Variants in RUNX2 observed in about 807,000 individuals in gnomAD.
The protein encoded by RUNX2 is runt-related transcription factor 2.
In RUNX2, 10 loss-of-function variants were observed where a neutral mutation model predicts 51.7. The ratio of observed to expected loss-of-function variants is 0.19; its 90% CI spans 0.12 to 0.33. The LOEUF is 0.33. Ranked by LOEUF, RUNX2 falls within the 10% of genes least tolerant of loss-of-function variation. RUNX2 has a pLI of 1.00. For missense variants in RUNX2, 562 were observed against 691.3 expected (o/e 0.81, Z 2.10); for synonymous variants, 276 against 273.6 (o/e 1.01, Z -0.09).
At chr6:45,408,128 A>G (rs1303831367) in intron 2 of RUNX2, among the ~76,000 whole-genome samples, 2 of 145,840 alleles carry the variant, frequency 1.4e-5, no homozygotes, top group Non-Finnish European at 3.1e-5. Context: ...GCCTTGATTA[A>G]TGGAGGCTCT....
At chr6:45,422,986 G>A (rs1044388102) in intron 3 of RUNX2, 29 bp downstream of exon 3, 4 of 1,600,152 alleles carry the variant, frequency 2.5e-6, no homozygotes, top group African/African-American at 1.3e-5. Flanking sequence ...CCCCGCCCCC[G>A]GCCGGGAGCG....
chr6:45,407,660 A>ATT (rs57431559), intron 2 of RUNX2, among the ~76,000 whole-genome samples: 42 of 147,372 alleles, frequency 2.8e-4, no homozygotes, highest in African/African-American at 9.7e-4. Context: ...AGCCCAGCTA[A>ATT]TTTTTTTTTT....
chr6:45,480,989 G>A (rs1294224261), intron 5 of RUNX2, among the ~76,000 whole-genome samples: 1 of 152,184 alleles, frequency 6.6e-6, no homozygotes, highest in Admixed American at 6.5e-5. Context: ...AGAAAATTGA[G>A]AATGATGTTC....
intron 2 of RUNX2, among the ~76,000 whole-genome samples, chr6:45,371,185 CA>C (rs1297249218): frequency 6.6e-6 from 1 of 152,110 alleles, no homozygotes; most frequent in East Asian, 1.9e-4. Flanking sequence ...CCTTAAAAAT[CA>C]AAACTCTCTT....
At chr6:45,520,840 C>T (rs1325046350) in intron 7 of RUNX2, among the ~76,000 whole-genome samples, 1 of 152,116 alleles carries the variant, frequency 6.6e-6, no homozygotes, top group Non-Finnish European at 1.5e-5. Context: ...CTTGCCTTAC[C>T]CTCCCGAGTA....
intron 2 of RUNX2, among the ~76,000 whole-genome samples, chr6:45,396,824 C>T (rs916981378): frequency 1.3e-5 from 2 of 151,762 alleles, no homozygotes; most frequent in African/African-American, 2.4e-5. Flanking sequence ...CATTTTGTAA[C>T]ATGTATCAGT....
intron 2 of RUNX2, among the ~76,000 whole-genome samples, chr6:45,391,905 AGAG>A (rs1253629254): frequency 6.6e-6 from 1 of 152,222 alleles, no homozygotes; most frequent in Non-Finnish European, 1.5e-5. Flanking sequence ...ATGGAAGCAT[AGAG>A]GAGATTAGTT....
intron 2 of RUNX2, among the ~76,000 whole-genome samples, chr6:45,372,950 A>T (rs1472061244): frequency 6.6e-6 from 1 of 151,908 alleles, no homozygotes; most frequent in East Asian, 1.9e-4. Flanking sequence ...CCCAAGTAGC[A>T]GGTGCACGCC....
chr6:45,462,553 T>C (rs1799506266), intron 5 of RUNX2, among the ~76,000 whole-genome samples: 1 of 152,242 alleles, frequency 6.6e-6, no homozygotes, highest in Non-Finnish European at 1.5e-5. Context: ...TAGTTTTGAA[T>C]AATTCGTCAG....
At chr6:45,451,601 T>C (rs1349232396) in intron 5 of RUNX2, among the ~76,000 whole-genome samples, 1 of 152,196 alleles carries the variant, frequency 6.6e-6, no homozygotes, top group Non-Finnish European at 1.5e-5. Flanking sequence ...AATGACTTAA[T>C]AACAGACTCA....
At chr6:45,434,159 A>T (rs572013633) in intron 4 of RUNX2, among the ~76,000 whole-genome samples, 47 of 152,344 alleles carry the variant, frequency 3.1e-4, no homozygotes, top group Admixed American at 1.2e-3. Context: ...TGAGATGAAG[A>T]GGAAAAAAGG....
intron 5 of RUNX2, among the ~76,000 whole-genome samples, chr6:45,440,727 A>G (rs556058750): frequency 6.6e-6 from 1 of 152,278 alleles, no homozygotes; most frequent in African/African-American, 2.4e-5. Context: ...TCTAAACATG[A>G]AATTCATGTA....
At chr6:45,480,486 A>G (rs933150133) in intron 5 of RUNX2, among the ~76,000 whole-genome samples, 2 of 152,224 alleles carry the variant, frequency 1.3e-5, no homozygotes, top group South Asian at 4.1e-4. Context: ...GACTTCTGAC[A>G]GACATAGCAC....
At chr6:45,356,386 C>A (rs1347322435) in intron 2 of RUNX2, among the ~76,000 whole-genome samples, 1 of 151,668 alleles carries the variant, frequency 6.6e-6, no homozygotes, top group African/African-American at 2.4e-5. Flanking sequence ...TGGAATATAT[C>A]AATTCTCATT....
chr6:45,512,600 T>C (rs1201642286), intron 7 of RUNX2, among the ~76,000 whole-genome samples, 193 bp downstream of exon 7: 1 of 152,176 alleles, frequency 6.6e-6, no homozygotes, highest in Non-Finnish European at 1.5e-5. Flanking sequence ...GTCAAGAGAC[T>C]GAAAATCCGC....
chr6:45,336,757 T>C (rs1581686148), intron 2 of RUNX2, among the ~76,000 whole-genome samples: 1 of 151,466 alleles, frequency 6.6e-6, no homozygotes, highest in Non-Finnish European at 1.5e-5. Context: ...TACAAAAAGA[T>C]AGGAAGTGAT....
At position 45,406,033 on chromosome 6, in the gene RUNX2, A is replaced by G. The variant is rs149710100; in HGVS notation, c.59-16560A>G. On this transcript the variant is annotated intron_variant, in intron 2 of 8. Transcript: ENST00000647337. ...AACCACTTAGAAAATTCGTTGGTACATAATATATATTCAACAACTGTTAGC... is the reference window on the plus strand; with the variant it reads ...AACCACTTAGAAAATTCGTTGGTACGTAATATATATTCAACAACTGTTAGC... Among the ~76,000 whole-genome samples, 34 of 152,344 alleles carry G rather than the reference A, an allele frequency of 2.2e-4. 1 individual carries two copies. The East Asian group carries it at 6.4e-3, about 28-fold the overall frequency.
chr6:45,478,898 TTTTTA>T (rs1563104171), intron 5 of RUNX2, among the ~76,000 whole-genome samples: 1 of 152,134 alleles, frequency 6.6e-6, no homozygotes, highest in African/African-American at 2.4e-5. Context: ...TTTTCTTTTC[TTTTTA>T]TTTTAAGATG....
intron 2 of RUNX2, among the ~76,000 whole-genome samples, chr6:45,383,936 T>C (rs1797294216): frequency 6.6e-6 from 1 of 152,244 alleles, no homozygotes; most frequent in South Asian, 2.1e-4. Context: ...CAGGGAACTG[T>C]ACCAACAGGT....
Sources: allele counts gnomAD v4.1 joint callset (sites outside exome capture counted in the v4.1 genomes callset), GRCh38; gene constraint gnomAD v4.1.1; transcripts MANE v1.5; gene names NCBI Gene and HGNC (gene_info 2026-07-23, HGNC 2026-07-21).